The following ZNF654 variants were observed in gnomAD, a reference collection of about 807,000 sequenced individuals.
ZNF654 encodes melanoma-associated antigen.
A neutral mutation model predicts 95.3 loss-of-function variants in ZNF654; 19 were observed. The observed-to-expected ratio is 0.20, with a 90% CI of 0.14 to 0.29. The LOEUF (loss-of-function observed/expected upper bound fraction) is 0.29, where lower values mean the gene tolerates loss of function less well. Ranked by LOEUF, ZNF654 falls within the 10% of genes least tolerant of loss-of-function variation. The pLI is 1.00. For synonymous variants in ZNF654, 413 were observed against 457.9 expected (o/e 0.90, Z 1.25); for missense variants, 1,046 against 1,341.0 (o/e 0.78, Z 3.44).
At chr3:88,077,663 G>T (rs941377976) in intron 1 of ZNF654, among the ~76,000 whole-genome samples, 11 of 145,686 alleles carry the variant, frequency 7.6e-5, no homozygotes, top group Non-Finnish European at 1.5e-4. Context: ...ATAACACATA[G>T]GAAAGATAAA....
At position 88,138,963 on chromosome 3, in the gene ZNF654, C is replaced by T. The variant is rs1706963598; in HGVS notation, c.1294C>T (p.Arg432Cys). Residue 432 changes from arginine (R) to cysteine (C), a missense_variant, in exon 8 of 9, where the codon CGT (arginine) becomes TGT (cysteine). Physicochemically the swap from Arg to Cys is radical, Grantham distance 180. This residue lies in a region of ZNF654 where 78 missense variants were observed against 154.2 expected (regional missense o/e 0.51). Transcript: ENST00000636215. Reference sequence around the variant, plus strand: ...TGAAGGCACAAGTAGTGTTCAAAATCGTGTTCGTTTTGAATTGCTTCCAAT... The same window carrying T: ...TGAAGGCACAAGTAGTGTTCAAAATTGTGTTCGTTTTGAATTGCTTCCAAT... ...YNEGTSSVQN[R>C]VRFELLPILK... 1 of 1,245,436 alleles carries T rather than the reference C, an allele frequency of 8.0e-7. No individual in the cohort carries two copies. 77.1% of individuals were successfully genotyped at this position (1,245,436 alleles called of 1,614,324 possible).
chr3:88,096,088 T>G (rs1356749932), intron 2 of ZNF654: 1 of 161,204 alleles, frequency 6.2e-6, no homozygotes. Context: ...CTTGGCAGAC[T>G]GACCTTCATT....
intron 1 of ZNF654, among the ~76,000 whole-genome samples, chr3:88,074,674 G>C (rs1171912475): frequency 4.6e-5 from 7 of 152,126 alleles, no homozygotes; most frequent in African/African-American, 1.7e-4. Context: ...TTGAAGATCA[G>C]TAGGGCAAAC....
intron 1 of ZNF654, among the ~76,000 whole-genome samples, chr3:88,082,640 T>G (rs1317337245): frequency 6.6e-6 from 1 of 152,226 alleles, no homozygotes; most frequent in Non-Finnish European, 1.5e-5. Context: ...TGATCTAGTC[T>G]GTTAATAGGG....
rs940519283 is a variant in ZNF654, at chr3:88,071,393, C to T, written c.186+11888C>T. The stretch of plus-strand genomic sequence containing the variant: ...GGTGCAGTGGCTCACTCCTGTAATC[C>T]CAGCACTTTGGGAGGCTGAGGCGGG... On this transcript the variant is annotated intron_variant, in intron 1 of 8. Transcript: ENST00000636215. 9.2e-5 allele frequency among the ~76,000 whole-genome samples: 14 copies of T among 152,112 alleles called. 1 individual carries two copies. The highest frequency in any genetic ancestry group is 8.5e-4 in the Admixed American group (13 of 15,268).
intron 7 of ZNF654, among the ~76,000 whole-genome samples, chr3:88,136,676 G>A (rs1706804983): frequency 6.6e-6 from 1 of 152,180 alleles, no homozygotes; most frequent in South Asian, 2.1e-4. Context: ...GGTGGGGGAT[G>A]AGACTAATGG....
intron 6 of ZNF654, among the ~76,000 whole-genome samples, chr3:88,130,358 C>T (rs1467162001): frequency 6.6e-6 from 1 of 152,066 alleles, no homozygotes; most frequent in Non-Finnish European, 1.5e-5. Flanking sequence ...TGATCATGGG[C>T]TATAAACATT....
chr3:88,086,691 G>A (rs1208901534), intron 2 of ZNF654, among the ~76,000 whole-genome samples: 4 of 152,170 alleles, frequency 2.6e-5, no homozygotes, highest in Admixed American at 2.0e-4. Flanking sequence ...CTAATGGTAA[G>A]TCCCAGAATA....
chr3:88,111,114 T>A (rs1414869146), intron 2 of ZNF654, among the ~76,000 whole-genome samples: 1 of 152,050 alleles, frequency 6.6e-6, no homozygotes, highest in Non-Finnish European at 1.5e-5. Flanking sequence ...AAGTATGGAA[T>A]GTCAAGAGTG....
chr3:88,094,785 CT>C (rs570985392), intron 2 of ZNF654, among the ~76,000 whole-genome samples: 2 of 151,794 alleles, frequency 1.3e-5, no homozygotes, highest in Admixed American at 6.6e-5. Flanking sequence ...CAGAGCTGAA[CT>C]TTTTTTTCTT....
chr3:88,122,752 G>A (rs1371135033), intron 3 of ZNF654, among the ~76,000 whole-genome samples: 2 of 152,020 alleles, frequency 1.3e-5, no homozygotes, highest in South Asian at 2.1e-4. Context: ...GCTCATACCT[G>A]TAATCCCAGC....
chr3:88,095,807 G>C lies in ZNF654; in HGVS notation c.332+9405G>C, dbSNP rs1704024534. On this transcript the variant is annotated intron_variant, in intron 2 of 8. Transcript: ENST00000636215. ...AAGAAATGAGCTAAAGGCAATCCAA[G>C]TTTTTCTCAGATTCCCAAGTATTGT... 3.4e-5 allele frequency: 15 copies of C among 443,158 alleles called. 1 individual carries two copies. Among genetic ancestry groups the C allele is most frequent in the South Asian group, 2.6e-4 (15 of 57,972 alleles). The allele number at this position is 443,158 out of a possible 1,614,324, so 27.5% of individuals were successfully genotyped here.
At chr3:88,113,399 T>C (rs1386391128) in intron 3 of ZNF654, among the ~76,000 whole-genome samples, 4 of 152,286 alleles carry the variant, frequency 2.6e-5, no homozygotes, top group Admixed American at 2.6e-4. Flanking sequence ...AGTTCATAGC[T>C]GGAATTCCTA....
intron 2 of ZNF654, among the ~76,000 whole-genome samples, chr3:88,088,490 T>G (rs1708452496): frequency 6.6e-6 from 1 of 152,090 alleles, no homozygotes; most frequent in African/African-American, 2.4e-5. Context: ...AATAATGAGA[T>G]ATGAAAAATG....
intron 2 of ZNF654, among the ~76,000 whole-genome samples, chr3:88,106,425 C>T (rs1261931689): frequency 6.6e-6 from 1 of 150,686 alleles, no homozygotes; most frequent in Non-Finnish European, 1.5e-5. Context: ...GCAGCCTCTC[C>T]CTCCTGGGTT....
At chr3:88,088,727 TA>T (rs11329135) in intron 2 of ZNF654, among the ~76,000 whole-genome samples, 118,472 of 151,424 alleles carry the variant, frequency 0.78, 47,243 homozygotes, top group South Asian at 0.91. Flanking sequence ...TGAGGCAGTT[TA>T]AAAAAAAACC....
intron 2 of ZNF654, 106 bp from the exon 3 acceptor site, chr3:88,113,009 T>C (rs1705187425): frequency 1.4e-6 from 1 of 731,724 alleles, no homozygotes; most frequent in Non-Finnish European, 2.1e-6. Context: ...TAAACCAAAA[T>C]ATTTTAAGTC....
At chr3:88,063,097 G>T (rs1706980040) in intron 1 of ZNF654, among the ~76,000 whole-genome samples, 6 of 152,134 alleles carry the variant, frequency 3.9e-5, no homozygotes, top group Admixed American at 3.3e-4. Flanking sequence ...GAGACATTTG[G>T]CAATGTCAGG....
intron 2 of ZNF654, among the ~76,000 whole-genome samples, chr3:88,096,826 G>C (rs1299065076): frequency 6.6e-6 from 1 of 152,046 alleles, no homozygotes; most frequent in East Asian, 1.9e-4. Flanking sequence ...CCTAGTTTCT[G>C]TATCTGTAGC....
Sources: allele counts gnomAD v4.1 joint callset (sites outside exome capture counted in the v4.1 genomes callset), GRCh38; gene constraint gnomAD v4.1.1; regional missense constraint gnomAD v4.1.1; transcripts MANE v1.5; gene names NCBI Gene and HGNC (gene_info 2026-07-23, HGNC 2026-07-21).